The following MOB4 variants were observed in gnomAD, a reference collection of about 807,000 sequenced individuals.
MOB4 encodes the protein MOB family member 4, phocein, also known as MOB-like protein phocein.
In MOB4, 4 loss-of-function variants were observed where a neutral mutation model predicts 32.2. The observed-to-expected ratio is 0.12, with a 90% CI of 0.06 to 0.28. The LOEUF is 0.28. Ranked by LOEUF, MOB4 falls within the 10% of genes least tolerant of loss-of-function variation. MOB4 has a pLI of 1.00. For missense variants in MOB4, 158 were observed against 271.2 expected (o/e 0.58, Z 2.93); for synonymous variants, 88 against 88.1 (o/e 1.00, Z 0.01).
At chr2:197,524,777 C>CT (rs76056106) in intron 2 of MOB4, among the ~76,000 whole-genome samples, 71 of 143,312 alleles carry the variant, frequency 5.0e-4, no homozygotes, top group Admixed American at 4.2e-4. Context: ...CTGCACCTGT[C>CT]TTTTTTTTTT....
At chr2:197,516,836 A>G (rs2086423972) in intron 1 of MOB4, 1 of 426,164 alleles carries the variant, frequency 2.3e-6, no homozygotes, top group Non-Finnish European at 4.9e-6. Flanking sequence ...GTAGGGCATT[A>G]TGTGTGGTAA....
At position 197,540,130 on chromosome 2, in the gene MOB4, A is replaced by G; in HGVS notation, c.244A>G (p.Asn82Asp). ...EHLRQFCLEL[N>D]GLAVKLQSEC... ...TTTCAGGCAGTTCTGCCTTGAGCTA[A>G]ATGGACTTGCTGTCAAACTTCAGGT... is the stretch of plus-strand genomic sequence containing the variant. Residue 82 changes from asparagine to aspartate, a missense_variant, in exon 4 of 8, where the codon AAT becomes GAT. Coordinates refer to ENST00000323303, the MANE Select transcript of MOB4 (RefSeq NM_015387.5). 6.2e-7 allele frequency: 1 copy of G among 1,603,784 alleles called. No individual in the cohort carries two copies. The highest frequency in any genetic ancestry group is 8.5e-7 in the Non-Finnish European group (1 of 1,174,608).
chr2:197,519,327 A>G (rs2086473796), intron 1 of MOB4, among the ~76,000 whole-genome samples: 2 of 152,202 alleles, frequency 1.3e-5, no homozygotes, highest in African/African-American at 2.4e-5. Flanking sequence ...TTCATTCTCA[A>G]CATCTTTTCT....
chr2:197,539,317 ATTT>A (rs35362424), intron 3 of MOB4, among the ~76,000 whole-genome samples: 1 of 126,720 alleles, frequency 7.9e-6, no homozygotes. Flanking sequence ...TTGTAATGTA[ATTT>A]TTTTTTTTTT....
intron 3 of MOB4, among the ~76,000 whole-genome samples, chr2:197,539,770 A>G (rs932542025): frequency 5.3e-5 from 8 of 152,216 alleles, no homozygotes; most frequent in African/African-American, 1.2e-4. Flanking sequence ...TTTCATTACA[A>G]TAGATTCTTA....
chr2:197,532,901 C>G (rs1355583527), intron 2 of MOB4, among the ~76,000 whole-genome samples: 1 of 152,054 alleles, frequency 6.6e-6, no homozygotes, highest in Non-Finnish European at 1.5e-5. Flanking sequence ...GACTTCAAGA[C>G]CAGCCTGACC....
chr2:197,540,009 G>A, intron 3 of MOB4, 102 bp from the exon 4 acceptor site: 1 of 1,250,752 alleles, frequency 8.0e-7, no homozygotes, highest in Non-Finnish European at 1.1e-6. Context: ...GGTAATGAGG[G>A]AGGAGGGATG....
intron 1 of MOB4, among the ~76,000 whole-genome samples, chr2:197,520,960 A>G (rs2086506215): frequency 1.3e-5 from 2 of 149,604 alleles, no homozygotes; most frequent in Non-Finnish European, 3.0e-5. Context: ...AAGCTGGTTT[A>G]TTTGATGTTT....
intron 2 of MOB4, 125 bp downstream of exon 2, chr2:197,523,811 C>A: frequency 1.3e-6 from 1 of 778,612 alleles, no homozygotes; most frequent in Non-Finnish European, 1.9e-6. Flanking sequence ...TGCTCTTTCA[C>A]AAAACAAAAC....
At chr2:197,533,879 T>C in intron 2 of MOB4, 1 of 646,056 alleles carries the variant, frequency 1.5e-6, no homozygotes, top group Non-Finnish European at 2.9e-6. Context: ...ATCGTCCCAT[T>C]CCCCAGTGGA....
chr2:197,537,800 G>A (rs2086827858), intron 3 of MOB4, among the ~76,000 whole-genome samples: 1 of 152,056 alleles, frequency 6.6e-6, no homozygotes, highest in African/African-American at 2.4e-5. Flanking sequence ...TGAGACAAGA[G>A]TCTCGAGTCT....
At chr2:197,521,053 A>G (rs2086508400) in intron 1 of MOB4, among the ~76,000 whole-genome samples, 3 of 152,174 alleles carry the variant, frequency 2.0e-5, no homozygotes, top group Admixed American at 6.5e-5. Context: ...ACAAGCATGC[A>G]GTGTATAATA....
At chr2:197,533,769 A>C in intron 2 of MOB4, 1 of 492,712 alleles carries the variant, frequency 2.0e-6, no homozygotes, top group Non-Finnish European at 3.9e-6. Flanking sequence ...TTTCCCTGTC[A>C]TCATGGTGTG....
At position 197,550,481 on chromosome 2, in the gene MOB4, A is replaced by G. The variant is rs2087078941; in HGVS notation, c.547-34A>G. The G allele has an allele frequency of 1.9e-6, 3 of 1,580,088 alleles. No individual in the cohort carries two copies. In the East Asian group the frequency reaches 6.8e-5, roughly 36 times the overall value. ...TCTAGTCTTTTAGTTTGGGATAGTG[A>G]ATTAAAATAACATTTTTGTCTTCCT... On this transcript the variant is annotated intron_variant, in intron 7 of 7. Coordinates refer to ENST00000323303, the MANE Select transcript of MOB4 (RefSeq NM_015387.5).
At position 197,522,492 on chromosome 2, in the gene MOB4, G is replaced by C. The variant is rs946505311; in HGVS notation, c.61-1132G>C. On this transcript the variant is annotated intron_variant, in intron 1 of 7. Transcript: ENST00000323303. ...ATTACAGGCGCACGCCACCATGCCCGGCTATTTTTTGTATTTTTAGTAGAG... is the reference window on the plus strand; with the variant it reads ...ATTACAGGCGCACGCCACCATGCCCCGCTATTTTTTGTATTTTTAGTAGAG... Among the ~76,000 whole-genome samples the C allele has an allele frequency of 2.1e-4, 32 of 151,280 alleles. No individual in the cohort carries two copies. In the East Asian group the frequency reaches 6.1e-3, roughly 29 times the overall value.
At chr2:197,516,761 T>G (rs764171179) in intron 1 of MOB4, 8 of 471,210 alleles carry the variant, frequency 1.7e-5, no homozygotes, top group Non-Finnish European at 2.6e-5. Context: ...TTAGATGTCA[T>G]TCCTTGCTAA....
chr2:197,525,764 T>A (rs1217589354), intron 2 of MOB4, among the ~76,000 whole-genome samples: 1 of 151,984 alleles, frequency 6.6e-6, no homozygotes, highest in African/African-American at 2.4e-5. Flanking sequence ...ATTTATTGGC[T>A]TCTCACGATA....
chr2:197,545,333 A>G (rs891672295), intron 5 of MOB4, among the ~76,000 whole-genome samples: 1 of 152,228 alleles, frequency 6.6e-6, no homozygotes, highest in East Asian at 1.9e-4. Context: ...AATCATCTCT[A>G]GATTACATAT....
chr2:197,549,226 C>CA lies in MOB4; in HGVS notation c.434+821dup, dbSNP rs995559922. Among the ~76,000 whole-genome samples, 108 of 146,732 alleles carry CA rather than the reference C, an allele frequency of 7.4e-4. 1 individual carries two copies. The highest frequency in any genetic ancestry group is 3.7e-3 in the Admixed American group (54 of 14,720). On this transcript the variant is annotated intron_variant, in intron 6 of 7. Coordinates refer to ENST00000323303, the MANE Select transcript of MOB4 (RefSeq NM_015387.5). ...CTGGGCAACAAGAGCGAAACTGTCT[C>CA]AAAAAAAAAAGAGCAGACTTTCTTA... is the stretch of plus-strand genomic sequence containing the variant.
Sources: allele counts gnomAD v4.1 joint callset (sites outside exome capture counted in the v4.1 genomes callset), GRCh38; gene constraint gnomAD v4.1.1; transcripts MANE v1.5; gene names NCBI Gene and HGNC (gene_info 2026-07-23, HGNC 2026-07-21).